SDK1: variants seen among roughly 807,000 people sequenced by gnomAD.
The protein encoded by SDK1 is sidekick cell adhesion molecule 1.
A neutral mutation model predicts 245.5 loss-of-function variants in SDK1; 157 were observed. The ratio of observed to expected loss-of-function variants is 0.64; its 90% CI spans 0.56 to 0.73. SDK1 has a LOEUF of 0.73. SDK1 is among the 30% of genes least tolerant of loss of function. The pLI, the probability that SDK1 is intolerant of heterozygous loss-of-function variation, is 0.00. For missense variants in SDK1, 3,583 were observed against 3,002.3 expected (o/e 1.19, Z -4.52); for synonymous variants, 1,647 against 1,278.5 (o/e 1.29, Z -6.15).
chr7:4,191,361 T>G (rs867781752), intron 35 of SDK1, among the ~76,000 whole-genome samples: 51 of 152,210 alleles, frequency 3.4e-4, no homozygotes, highest in African/African-American at 1.1e-3. Flanking sequence ...GGCGGGCTGG[T>G]AGTATTACTC....
In SDK1 at chr7:3,967,796, G is replaced by C. The variant is rs535768905; in HGVS notation, c.1546+362G>C. 3.3e-5 allele frequency among the ~76,000 whole-genome samples: 5 copies of C among 152,322 alleles called. No homozygotes were observed. In the South Asian group the frequency reaches 1.0e-3, roughly 32 times the overall value. ...CCGAGCTGACAGGAGGGGGAGCTCA[G>C]GCAGTCATGCACGGTGGCCACCGCT... On this transcript the variant is annotated intron_variant, in intron 10 of 44. Coordinates refer to ENST00000404826, the MANE Select transcript of SDK1 (RefSeq NM_152744.4).
intron 1 of SDK1, among the ~76,000 whole-genome samples, chr7:3,555,827 T>G (rs1779571328): frequency 6.6e-6 from 1 of 152,148 alleles, no homozygotes. Flanking sequence ...ACGTCATTGA[T>G]CATCAGAGAA....
At chr7:3,499,275 C>A (rs1390614204) in intron 1 of SDK1, among the ~76,000 whole-genome samples, 1 of 152,178 alleles carries the variant, frequency 6.6e-6, no homozygotes, top group East Asian at 1.9e-4. Flanking sequence ...CAGTAACTTG[C>A]TTACAATGCC....
At chr7:3,818,739 A>G (rs920843413) in intron 4 of SDK1, among the ~76,000 whole-genome samples, 8 of 152,352 alleles carry the variant, frequency 5.3e-5, no homozygotes, top group African/African-American at 1.9e-4. Context: ...CATTGGCTCT[A>G]TGAGATAATG....
chr7:3,945,899 T>TA (rs754101246), intron 5 of SDK1, among the ~76,000 whole-genome samples: 1,428 of 13,636 alleles, frequency 0.1, 447 homozygotes, highest in East Asian at 0.26. Context: ...ACTCTGTCTG[T>TA]AAAAAAAAAA....
At chr7:4,159,316 T>C (rs995069638) in intron 31 of SDK1, among the ~76,000 whole-genome samples, 5 of 152,188 alleles carry the variant, frequency 3.3e-5, no homozygotes, top group Admixed American at 2.0e-4. Context: ...CCTGGAAGTG[T>C]GGTTTCTCCC....
At chr7:4,150,287 A>C (rs562921778) in intron 30 of SDK1, among the ~76,000 whole-genome samples, 2 of 152,256 alleles carry the variant, frequency 1.3e-5, no homozygotes, top group East Asian at 3.9e-4. Flanking sequence ...TCATTGGCCC[A>C]GAGTTTGGTC....
At chr7:3,720,023 A>G (rs1019682811) in intron 4 of SDK1, among the ~76,000 whole-genome samples, 1 of 152,066 alleles carries the variant, frequency 6.6e-6, no homozygotes, top group African/African-American at 2.4e-5. Context: ...TATCTTTGGG[A>G]TCTAAGACTA....
At chr7:3,624,935 C>A (rs1298316974) in intron 2 of SDK1, among the ~76,000 whole-genome samples, 2 of 152,020 alleles carry the variant, frequency 1.3e-5, no homozygotes, top group East Asian at 3.9e-4. Flanking sequence ...ATCCCAGCTA[C>A]TCGGGAGGCA....
chr7:4,144,357 G>C (rs1034927334), intron 28 of SDK1, among the ~76,000 whole-genome samples: 4 of 152,188 alleles, frequency 2.6e-5, no homozygotes, highest in Admixed American at 2.6e-4. Context: ...CAGCCACTCT[G>C]GGGGCCTAAG....
At chr7:3,641,534 G>T (rs1256302706) in intron 3 of SDK1, among the ~76,000 whole-genome samples, 1 of 152,170 alleles carries the variant, frequency 6.6e-6, no homozygotes, top group Non-Finnish European at 1.5e-5. Flanking sequence ...ACAAGCTGAA[G>T]AGAGCAAGGG....
At chr7:3,931,774 G>T (rs1779987547) in intron 5 of SDK1, among the ~76,000 whole-genome samples, 1 of 152,284 alleles carries the variant, frequency 6.6e-6, no homozygotes, top group Non-Finnish European at 1.5e-5. Context: ...TCTTATGTAT[G>T]AGTTTTTCCA....
Position 4,077,239 on chromosome 7 carries a change from T to C in SDK1, c.3202+50T>C, listed in dbSNP as rs747073636. On this transcript the variant is annotated intron_variant, in intron 21 of 44. Transcript: ENST00000404826. Reference sequence around the variant, plus strand: ...CCTGCTGTCACCTTTCTCTTGGAGATTCCCGAGGCTAGAAGTTGATTGGCA... The same window carrying C: ...CCTGCTGTCACCTTTCTCTTGGAGACTCCCGAGGCTAGAAGTTGATTGGCA... 19 of 1,557,772 alleles carry C rather than the reference T, an allele frequency of 1.2e-5. No individual in the cohort carries two copies. In the Admixed American group the frequency reaches 3.4e-4, roughly 28 times the overall value.
At chr7:3,694,140 C>T (rs1248190998) in intron 4 of SDK1, among the ~76,000 whole-genome samples, 2 of 152,258 alleles carry the variant, frequency 1.3e-5, no homozygotes, top group East Asian at 1.9e-4. Context: ...AGCACTGTGA[C>T]AATGGGAAAG....
intron 8 of SDK1, among the ~76,000 whole-genome samples, chr7:3,961,990 A>C (rs60721538): frequency 1.1e-4 from 17 of 151,894 alleles, no homozygotes; most frequent in East Asian, 9.7e-4. Context: ...TATATGCACA[A>C]ACACACACAC....
intron 22 of SDK1, among the ~76,000 whole-genome samples, chr7:4,090,169 C>G (rs955321183): frequency 1.2e-4 from 18 of 152,166 alleles, no homozygotes; most frequent in African/African-American, 3.6e-4. Context: ...TGAGATTTCT[C>G]CCCTCTAAAA....
intron 19 of SDK1, among the ~76,000 whole-genome samples, chr7:4,059,303 G>A (rs1054115580): frequency 5.9e-5 from 9 of 152,148 alleles, no homozygotes; most frequent in African/African-American, 1.4e-4. Flanking sequence ...GAGTAGGTAC[G>A]CTTAGATAAA....
intron 5 of SDK1, among the ~76,000 whole-genome samples, chr7:3,870,995 A>G (rs1780941927): frequency 6.6e-6 from 1 of 152,200 alleles, no homozygotes. Context: ...AATTGGACGA[A>G]GTTGACATCT....
chr7:3,978,076 C>G (rs28496748), intron 13 of SDK1, among the ~76,000 whole-genome samples: 70,535 of 151,876 alleles, frequency 0.46, 17,698 homozygotes, highest in South Asian at 0.66. Flanking sequence ...CCTTTCGGGT[C>G]TCAGACAGAG....
Sources: allele counts gnomAD v4.1 joint callset (sites outside exome capture counted in the v4.1 genomes callset), GRCh38; gene constraint gnomAD v4.1.1; transcripts MANE v1.5; gene names NCBI Gene and HGNC (gene_info 2026-07-23, HGNC 2026-07-21).